Variants in RAB36 observed in about 807,000 individuals in gnomAD.
RAB36 encodes the protein RAB36, member RAS oncogene family.
Under a neutral mutation model 39.3 loss-of-function variants are expected in RAB36, and 33 were observed. The ratio of observed to expected loss-of-function variants is 0.84; its 90% CI spans 0.64 to 1.12. RAB36 has a LOEUF of 1.12. Ranked by LOEUF, RAB36 falls within the 50% of genes most tolerant of loss-of-function variation. The pLI is 0.00. For missense variants in RAB36, 308 were observed against 355.3 expected (o/e 0.87, Z 1.07); for synonymous variants, 133 against 140.2 (o/e 0.95, Z 0.36).
Position 23,146,662 on chromosome 22 carries a change from C to A in RAB36, c.46C>A (p.Arg16Ser), listed in dbSNP as rs148744836. 1.2e-6 allele frequency: 2 copies of A among 1,613,980 alleles called. No homozygotes were observed. The highest frequency in any genetic ancestry group is 8.5e-7 in the Non-Finnish European group (1 of 1,179,920). The change falls in exon 2 of 11, where the codon CGT becomes AGT. Residue 16 changes from arginine (R) to serine (S), a missense_variant. Arg to Ser is a moderately radical substitution (Grantham distance 110, BLOSUM62 -1). Coordinates refer to ENST00000263116, the MANE Select transcript of RAB36 (RefSeq NM_004914.5). Reference sequence around the variant, plus strand: ...TTTGGGGCCCCCTGTGAGCCGCGACCGTGTCATCGCCAGCTTCCCTAAGGT... The same window carrying A: ...TTTGGGGCCCCCTGTGAGCCGCGACAGTGTCATCGCCAGCTTCCCTAAGGT... ...TPLGPPVSRD[R>S]VIASFPKWYT...
chr22:23,150,198 GA>G (rs770591004), intron 3 of RAB36, 44 bp downstream of exon 3: 17 of 1,453,850 alleles, frequency 1.2e-5, no homozygotes, highest in Non-Finnish European at 1.4e-5. Flanking sequence ...TGGCAAGAAG[GA>G]ATGAGTGCAT....
At position 23,161,986 on chromosome 22, in the gene RAB36, G is replaced by C. The variant is rs1012404216; in HGVS notation, c.*422G>C. On this transcript the variant is annotated 3_prime_UTR_variant, in exon 11 of 11. Coordinates refer to ENST00000263116, the MANE Select transcript of RAB36 (RefSeq NM_004914.5). Reference sequence around the variant, plus strand: ...CCAGCGATCTTGGATGTGTCCCCAGGATCCGTCACAGTGTTCCAGGCAACC... The same window carrying C: ...CCAGCGATCTTGGATGTGTCCCCAGCATCCGTCACAGTGTTCCAGGCAACC... 1.1e-5 allele frequency: 2 copies of C among 177,902 alleles called. No individual in the cohort carries two copies. Among genetic ancestry groups the C allele is most frequent in the African/African-American group, 4.8e-5 (2 of 41,816 alleles). The allele number at this position is 177,902 out of a possible 1,614,324, so 11.0% of individuals were successfully genotyped here.
intron 5 of RAB36, 132 bp from the exon 6 acceptor site, chr22:23,155,836 C>A: frequency 1.4e-6 from 1 of 734,160 alleles, no homozygotes; most frequent in Non-Finnish European, 2.1e-6. Flanking sequence ...TCACAACAGG[C>A]ACTTCCTGAA....
chr22:23,150,002 G>T (rs2071009894), intron 2 of RAB36, 61 bp from the exon 3 acceptor site: 3 of 1,348,430 alleles, frequency 2.2e-6, no homozygotes, highest in Non-Finnish European at 3.1e-6. Context: ...TCACTGCTTG[G>T]CTACGAGGGC....
At chr22:23,145,989 CT>C in intron 1 of RAB36, 1 of 985,436 alleles carries the variant, frequency 1.0e-6, no homozygotes, top group Non-Finnish European at 1.2e-6. Context: ...CCCCACTCTA[CT>C]TCCACTGCCT....
chr22:23,145,476 C>T (rs1328152729), upstream of RAB36: 1 of 1,609,452 alleles, frequency 6.2e-7, no homozygotes, highest in Non-Finnish European at 8.5e-7. Context: ...GCGTGGCTCT[C>T]GTTGCCATGG....
chr22:23,162,325 A>AC lies in RAB36; in HGVS notation c.*763dup. Reference sequence around the variant, plus strand: ...TCTGGCCCACCTGGACAGTGCATTTACCTGTGTGCTGCGGGAGGCAGACTG... The same window carrying AC: ...TCTGGCCCACCTGGACAGTGCATTTACCCTGTGTGCTGCGGGAGGCAGACTG... On this transcript the variant is annotated 3_prime_UTR_variant, in exon 11 of 11. Transcript: ENST00000263116. 2 of 304,360 alleles carry AC rather than the reference A, an allele frequency of 6.6e-6. No individual in the cohort carries two copies. The highest frequency in any genetic ancestry group is 6.0e-5 in the South Asian group (2 of 33,164). The allele number at this position is 304,360 out of a possible 1,614,324, so 18.9% of individuals were successfully genotyped here.
At position 23,164,884 on chromosome 22, in the gene RAB36, C is replaced by G. The variant is rs78310988; in HGVS notation, c.*3320C>G. Among the ~76,000 whole-genome samples the G allele has an allele frequency of 0.14, 21,549 of 151,402 alleles. 2,068 individuals carry two copies. Among genetic ancestry groups the G allele is most frequent in the Non-Finnish European group, 0.2 (13,786 of 67,790 alleles). ...TGCTCTCGCTCTGGCTTTCGAGGCT[C>G]CTCACCACCCAGCCCACCCCACCCC... is the stretch of plus-strand genomic sequence containing the variant. On this transcript the variant is annotated 3_prime_UTR_variant, in exon 11 of 11. Coordinates refer to ENST00000263116, the MANE Select transcript of RAB36 (RefSeq NM_004914.5).
intron 3 of RAB36, 42 bp downstream of exon 3, chr22:23,150,196 A>G (rs778494512): frequency 2.9e-5 from 42 of 1,463,928 alleles, no homozygotes; most frequent in Non-Finnish European, 3.9e-5. Context: ...GGTGGCAAGA[A>G]GGAATGAGTG....
chr22:23,152,120 C>T lies in RAB36; in HGVS notation c.162-341C>T, dbSNP rs140425071. The stretch of plus-strand genomic sequence containing the variant: ...CTCCCGGACAGCACAGACGTGCCCA[C>T]GGCTGTTGGTTGGTTACCACAGCCA... On this transcript the variant is annotated intron_variant, in intron 3 of 10. Transcript: ENST00000263116. Among the ~76,000 whole-genome samples the T allele has an allele frequency of 3.4e-3, 517 of 152,364 alleles. 7 individuals carry two copies. The highest frequency in any genetic ancestry group is 0.012 in the African/African-American group (488 of 41,596).
In RAB36 at chr22:23,158,022, T is replaced by C. The variant is rs138484899; in HGVS notation, c.425T>C (p.Val142Ala). ...ATCACGGCCTTTGACCTCACTGACG[T>C]GCAGACCCTGGAGCATACCAGGTAA... Reference protein sequence around the residue: ...VIITAFDLTDVQTLEHTRQWL... With the variant: ...VIITAFDLTDAQTLEHTRQWL... Residue 142 changes from valine (V) to alanine (A), a missense_variant, in exon 7 of 11, where the codon GTG (valine) becomes GCG (alanine). Transcript: ENST00000263116. 1 of 1,614,066 alleles carries C rather than the reference T, an allele frequency of 6.2e-7. No individual in the cohort carries two copies. Among genetic ancestry groups the C allele is most frequent in the African/African-American group, 1.3e-5 (1 of 74,934 alleles).
downstream of RAB36, among the ~76,000 whole-genome samples, chr22:23,168,611 T>C (rs2072089380): frequency 6.6e-6 from 1 of 152,226 alleles, no homozygotes; most frequent in South Asian, 2.1e-4. Flanking sequence ...ATCTCCCATA[T>C]GTCAGCCTTC....
At chr22:23,165,922 G>A (rs977914457), downstream of RAB36, among the ~76,000 whole-genome samples, 12 of 152,098 alleles carry the variant, frequency 7.9e-5, no homozygotes, top group African/African-American at 2.2e-4. Context: ...CAAGGCGGGC[G>A]GATCACGAGG....
chr22:23,157,834 G>T (rs1447725517), intron 6 of RAB36, among the ~76,000 whole-genome samples, 158 bp from the exon 7 acceptor site: 5 of 152,202 alleles, frequency 3.3e-5, no homozygotes, highest in Admixed American at 3.3e-4. Flanking sequence ...CAGCCATGGG[G>T]TGTTTCCTCC....
Position 23,146,662 on chromosome 22 carries a change from C to CA in RAB36, c.46_47insA (p.Arg16GlnfsTer8). Reference sequence around the variant, plus strand: ...TTTGGGGCCCCCTGTGAGCCGCGACCGTGTCATCGCCAGCTTCCCTAAGGT... The same window carrying CA: ...TTTGGGGCCCCCTGTGAGCCGCGACCAGTGTCATCGCCAGCTTCCCTAAGGT... On this transcript the variant is annotated frameshift_variant, in exon 2 of 11. Coordinates refer to ENST00000263116, the MANE Select transcript of RAB36 (RefSeq NM_004914.5). LOFTEE classifies it high-confidence loss of function. The CA allele has an allele frequency of 6.2e-7, 1 of 1,613,980 alleles. No individual in the cohort carries two copies. The highest frequency in any genetic ancestry group is 8.5e-7 in the Non-Finnish European group (1 of 1,179,920).
At chr22:23,153,385 A>C in intron 5 of RAB36, 1 of 199,772 alleles carries the variant, frequency 5.0e-6, no homozygotes. Context: ...CCTGCCCATG[A>C]CCTCCCCAAT....
Position 23,163,606 on chromosome 22 carries a change from G to GCCCCCCCCC in RAB36, c.*2044_*2052dup, listed in dbSNP as rs71744650. The stretch of plus-strand genomic sequence containing the variant: ...AAAGCATATAAAATACAAGGTGAAA[G>GCCCCCCCCC]CCCCCCCCCCGCCACATTAGCTGCG... On this transcript the variant is annotated 3_prime_UTR_variant, in exon 11 of 11. Transcript: ENST00000263116. 4.8e-5 allele frequency: 6 copies of GCCCCCCCCC among 125,220 alleles called. No homozygotes were observed. Among genetic ancestry groups the GCCCCCCCCC allele is most frequent in the Admixed American group, 8.3e-5 (1 of 12,110 alleles). 7.8% of individuals were successfully genotyped at this position (125,220 alleles called of 1,614,324 possible).
chr22:23,157,337 G>A (rs541692784), intron 6 of RAB36, among the ~76,000 whole-genome samples: 90 of 151,282 alleles, frequency 5.9e-4, no homozygotes, highest in African/African-American at 2.0e-3. Flanking sequence ...TGCAAGCTCC[G>A]CCTCCCGCAT....
intron 3 of RAB36, 87 bp from the exon 4 acceptor site, chr22:23,152,374 A>G: frequency 2.2e-6 from 3 of 1,363,544 alleles, no homozygotes; most frequent in Admixed American, 3.4e-5. Flanking sequence ...TCTCACCAGC[A>G]GAGAGCTCAG....
Sources: gnomAD v4.1 joint callset for allele counts (sites outside exome capture counted in the v4.1 genomes callset) on GRCh38, gnomAD v4.1.1 for gene constraint, MANE v1.5 for transcripts, NCBI Gene and HGNC (gene_info 2026-07-23, HGNC 2026-07-21) for gene names.